TNFRSF10D: variants seen among roughly 807,000 people sequenced by gnomAD.
TNFRSF10D encodes the protein TNF receptor superfamily member 10d, also known as tumor necrosis factor receptor superfamily member 10D.
In TNFRSF10D, 28 loss-of-function variants were observed where a neutral mutation model predicts 42.1. The observed-to-expected ratio is 0.66, with a 90% CI of 0.49 to 0.91. The LOEUF (loss-of-function observed/expected upper bound fraction) is 0.91. Ranked by LOEUF, TNFRSF10D falls within the 40% of genes least tolerant of loss-of-function variation. The pLI is 0.00. For missense variants in TNFRSF10D, 503 were observed against 486.1 expected (o/e 1.03, Z -0.33); for synonymous variants, 186 against 189.4 (o/e 0.98, Z 0.15).
Position 23,145,820 on chromosome 8 carries a change from G to A in TNFRSF10D, c.584C>T (p.Ala195Val), listed in dbSNP as rs373897075. The change falls in exon 5 of 9, where the codon GCG (alanine) becomes GTG (valine). Residue 195 changes from alanine (A) to valine (V), a missense_variant. Transcript: ENST00000312584. ...CAGGATGGTGGTCACTGTCTCCTCCGCTGCTGGGGTTTTCCCAGTGGAACT... is the reference window on the plus strand; with the variant it reads ...CAGGATGGTGGTCACTGTCTCCTCCACTGCTGGGGTTTTCCCAGTGGAACT... The part of the protein sequence containing the change: ...AASSTGKTPA[A>V]EETVTTILGM... 75 of 1,614,078 alleles carry A rather than the reference G, an allele frequency of 4.6e-5. No homozygotes were observed. The highest frequency in any genetic ancestry group is 6.0e-5 in the Non-Finnish European group (71 of 1,180,048).
Position 23,148,540 on chromosome 8 carries a change from A to T in TNFRSF10D, c.268T>A (p.Ser90Thr). 4 of 1,607,202 alleles carry T rather than the reference A, an allele frequency of 2.5e-6. No individual in the cohort carries two copies. The highest frequency in any genetic ancestry group is 3.4e-6 in the Non-Finnish European group (4 of 1,175,194). The change falls in exon 3 of 9, where the codon TCA becomes ACA. Residue 90 changes from serine (S) to threonine (T), a missense_variant. By Grantham distance (58) the Ser-to-Thr change is moderately conservative. Transcript: ENST00000312584. Reference sequence around the variant, plus strand: ...GGGTTACAGGCTCCAGTATATTCTGATCTATGAGATCCTGGGAAGGGAGAG... The same window carrying T: ...GGGTTACAGGCTCCAGTATATTCTGTTCTATGAGATCCTGGGAAGGGAGAG... ...EEECPAGSHR[S>T]EYTGACNPCT... is the part of the protein sequence containing the mutation.
chr8:23,142,203 G>A (rs543278960), intron 7 of TNFRSF10D, among the ~76,000 whole-genome samples: 11 of 152,204 alleles, frequency 7.2e-5, no homozygotes, highest in East Asian at 3.9e-4. Context: ...CTGGAGGGGC[G>A]GAGGTTGCAG....
chr8:23,145,557 G>C (rs1800106507), intron 5 of TNFRSF10D, 111 bp downstream of exon 5: 2 of 1,521,264 alleles, frequency 1.3e-6, no homozygotes, highest in Non-Finnish European at 1.8e-6. Context: ...ACCAAGCCAG[G>C]CTGGAGACGC....
At chr8:23,150,471 C>A (rs1214134636) in intron 2 of TNFRSF10D, among the ~76,000 whole-genome samples, 1 of 152,220 alleles carries the variant, frequency 6.6e-6, no homozygotes, top group East Asian at 1.9e-4. Flanking sequence ...AGTGCACATT[C>A]CAACATATTG....
At chr8:23,157,615 G>A (rs552258884) in intron 1 of TNFRSF10D, among the ~76,000 whole-genome samples, 74 of 152,222 alleles carry the variant, frequency 4.9e-4, no homozygotes, top group African/African-American at 1.7e-3. Context: ...TCATCTGACC[G>A]TTCTGTCAAT....
At chr8:23,143,134 G>A (rs956193827) in intron 7 of TNFRSF10D, among the ~76,000 whole-genome samples, 5 of 152,060 alleles carry the variant, frequency 3.3e-5, no homozygotes, top group Admixed American at 6.5e-5. Context: ...CCGCTACCAC[G>A]CCCGGCTAAT....
chr8:23,144,599 G>C lies in TNFRSF10D; in HGVS notation c.805C>G (p.Pro269Ala), dbSNP rs749749418. The change falls in exon 7 of 9, where the codon CCT (proline) becomes GCT (alanine). Residue 269 changes from proline (P) to alanine (A), a missense_variant. Transcript: ENST00000312584. ...FRRRSCPSRV[P>A]GAEDNARNET... ...TTGCGGGCATTGTCCTCCGCCCCAGGAACTCGTGAAGGACATGAACGCCGC... is the reference window on the plus strand; with the variant it reads ...TTGCGGGCATTGTCCTCCGCCCCAGCAACTCGTGAAGGACATGAACGCCGC... 2.4e-5 allele frequency: 38 copies of C among 1,614,020 alleles called. No individual in the cohort carries two copies. The highest frequency in any genetic ancestry group is 3.1e-5 in the Non-Finnish European group (37 of 1,180,026).
intron 7 of TNFRSF10D, among the ~76,000 whole-genome samples, chr8:23,140,764 T>A (rs1814450702): frequency 6.6e-6 from 1 of 152,234 alleles, no homozygotes; most frequent in Non-Finnish European, 1.5e-5. Flanking sequence ...CTCTCTTGCC[T>A]GTCGCCATGT....
At position 23,144,614 on chromosome 8, in the gene TNFRSF10D, A is replaced by G. The variant is rs764283243; in HGVS notation, c.790T>C (p.Cys264Arg). 6.2e-6 allele frequency: 10 copies of G among 1,614,036 alleles called. No individual in the cohort carries two copies. Among genetic ancestry groups the G allele is most frequent in the Non-Finnish European group, 8.5e-6 (10 of 1,179,934 alleles). The change falls in exon 7 of 9, where the codon TGT (cysteine) becomes CGT (arginine). Residue 264 changes from cysteine to arginine, a missense_variant. Cys to Arg is a radical substitution (Grantham distance 180). Transcript: ENST00000312584. ...TCCGCCCCAGGAACTCGTGAAGGAC[A>G]TGAACGCCGCCGGAAAAGGACCTTG... is the stretch of plus-strand genomic sequence containing the variant. ...VHRVLFRRRS[C>R]PSRVPGAEDN...
At position 23,148,442 on chromosome 8, in the gene TNFRSF10D, T is replaced by G. The variant is rs750775562; in HGVS notation, c.366A>C (p.Lys122Asn). 1.2e-6 allele frequency: 2 copies of G among 1,607,520 alleles called. No individual in the cohort carries two copies. Among genetic ancestry groups the G allele is most frequent in the South Asian group, 2.2e-5 (2 of 90,906 alleles). ...AGGGGTCCACACATTCTGTACCTGATTTACAAACTGTACATAGCAGGCAAG... is the reference window on the plus strand; with the variant it reads ...AGGGGTCCACACATTCTGTACCTGAGTTACAAACTGTACATAGCAGGCAAG... ...LPSCLLCTVC[K>N]SGQTNKSSCT... Residue 122 changes from lysine to asparagine, a missense_variant, in exon 3 of 9, where the codon AAA (lysine) becomes AAC (asparagine). Transcript: ENST00000312584.
intron 4 of TNFRSF10D, among the ~76,000 whole-genome samples, chr8:23,146,681 CA>C (rs903311943): frequency 6.6e-6 from 1 of 151,950 alleles, no homozygotes; most frequent in Non-Finnish European, 1.5e-5. Flanking sequence ...TGAAAAGGTT[CA>C]AGGGACCTAG....
At chr8:23,140,047 T>A (rs1445406432) in intron 7 of TNFRSF10D, among the ~76,000 whole-genome samples, 2 of 152,122 alleles carry the variant, frequency 1.3e-5, no homozygotes, top group Non-Finnish European at 2.9e-5. Context: ...CTCAGCACTT[T>A]GGGAGGCCAA....
chr8:23,138,341 G>A (rs1326029650), intron 7 of TNFRSF10D, 81 bp from the exon 8 acceptor site: 4 of 1,475,000 alleles, frequency 2.7e-6, no homozygotes, highest in South Asian at 1.1e-5. Context: ...TAGCCAGCAA[G>A]AGACCTGCAG....
At chr8:23,153,738 G>A (rs1009751037) in intron 2 of TNFRSF10D, among the ~76,000 whole-genome samples, 5 of 152,166 alleles carry the variant, frequency 3.3e-5, no homozygotes, top group African/African-American at 1.2e-4. Flanking sequence ...TGATGATGAT[G>A]GGGAGAAAAA....
At chr8:23,153,857 A>G (rs1800239311) in intron 2 of TNFRSF10D, among the ~76,000 whole-genome samples, 1 of 152,220 alleles carries the variant, frequency 6.6e-6, no homozygotes, top group African/African-American at 2.4e-5. Context: ...TGATCCAGCA[A>G]TCCCAGTATT....
chr8:23,141,785 G>C (rs190795849), intron 7 of TNFRSF10D, among the ~76,000 whole-genome samples: 539 of 151,460 alleles, frequency 3.6e-3, no homozygotes, highest in African/African-American at 0.011. Context: ...CTCATACAGT[G>C]AGAATGGCGA....
In TNFRSF10D at chr8:23,160,344, G is replaced by C. The variant is rs1054730731; in HGVS notation, c.150+3442C>G. ...GACAGGCTCCAGGCTGTGGCACAGG[G>C]AGGGGACTCCGAAGAGCCCTGTGGA... On this transcript the variant is annotated intron_variant, in intron 1 of 8. Coordinates refer to ENST00000312584, the MANE Select transcript of TNFRSF10D (RefSeq NM_003840.5). Among the ~76,000 whole-genome samples the C allele has an allele frequency of 4.6e-5, 7 of 152,260 alleles. 1 individual carries two copies. Among genetic ancestry groups the C allele is most frequent in the African/African-American group, 1.7e-4 (7 of 41,568 alleles).
At chr8:23,159,679 T>C (rs1800335523) in intron 1 of TNFRSF10D, among the ~76,000 whole-genome samples, 1 of 151,964 alleles carries the variant, frequency 6.6e-6, no homozygotes, top group African/African-American at 2.4e-5. Context: ...CTGGACAACA[T>C]GACAAAACCC....
intron 7 of TNFRSF10D, among the ~76,000 whole-genome samples, 173 bp downstream of exon 7, chr8:23,144,277 A>C (rs1393036892): frequency 6.6e-6 from 1 of 152,222 alleles, no homozygotes; most frequent in African/African-American, 2.4e-5. Context: ...GATGTCCTGC[A>C]GACTGGCACG....
Sources: gnomAD v4.1 joint callset for allele counts (sites outside exome capture counted in the v4.1 genomes callset) on GRCh38, gnomAD v4.1.1 for gene constraint, MANE v1.5 for transcripts, NCBI Gene and HGNC (gene_info 2026-07-23, HGNC 2026-07-21) for gene names.